The following VPS35L variants were observed in gnomAD, a reference collection of about 807,000 sequenced individuals.
VPS35L encodes VPS35 endosomal protein-sorting factor-like.
In VPS35L, 83 loss-of-function variants were observed where a neutral mutation model predicts 133.0. That is an observed-to-expected ratio of 0.62 (90% CI 0.52 to 0.75). The LOEUF is 0.75. Ranked by LOEUF, VPS35L falls within the 30% of genes least tolerant of loss-of-function variation. The pLI is 0.00. For missense variants in VPS35L, 1,083 were observed against 1,206.8 expected, an observed-to-expected ratio of 0.90 and a Z score of 1.52; for synonymous variants, 423 against 449.9, an observed-to-expected ratio of 0.94 and a Z score of 0.76.
intron 26 of VPS35L, among the ~76,000 whole-genome samples, chr16:19,663,334 G>T (rs1974548950): frequency 6.6e-6 from 1 of 152,094 alleles, no homozygotes; most frequent in Admixed American, 6.6e-5. Context: ...TTCCAAGACA[G>T]TAGCCTATCA....
chr16:19,623,098 G>A (rs777276482), intron 14 of VPS35L, among the ~76,000 whole-genome samples: 2 of 152,184 alleles, frequency 1.3e-5, no homozygotes, highest in Non-Finnish European at 2.9e-5. Context: ...AAATCCCCCC[G>A]AAGACTTCCC....
chr16:19,625,269 G>C (rs1050600934), intron 14 of VPS35L, among the ~76,000 whole-genome samples: 2 of 152,162 alleles, frequency 1.3e-5, no homozygotes, highest in Admixed American at 1.3e-4. Context: ...TGTGAAATGG[G>C]AGAATAGAGC....
chr16:19,661,933 A>T (rs1221312611), intron 26 of VPS35L, among the ~76,000 whole-genome samples: 2 of 152,166 alleles, frequency 1.3e-5, no homozygotes, highest in African/African-American at 4.8e-5. Context: ...AGGACTGAAC[A>T]TTTTACAGCA....
At chr16:19,566,609 C>G (rs1046257777) in intron 2 of VPS35L, among the ~76,000 whole-genome samples, 1 of 152,112 alleles carries the variant, frequency 6.6e-6, no homozygotes, top group African/African-American at 2.4e-5. Flanking sequence ...AGAGAGGCTC[C>G]AGCACAGTCA....
At chr16:19,651,476 A>G (rs1418494860) in intron 25 of VPS35L, among the ~76,000 whole-genome samples, 15 of 152,130 alleles carry the variant, frequency 9.9e-5, no homozygotes, top group South Asian at 2.1e-4. Context: ...AAGTGTTGGG[A>G]TAACAGGTGT....
chr16:19,602,520 T>G (rs746490513), intron 9 of VPS35L, among the ~76,000 whole-genome samples: 19 of 151,968 alleles, frequency 1.3e-4, no homozygotes, highest in Non-Finnish European at 2.4e-4. Flanking sequence ...TCTCCTCCTC[T>G]CTCTTCCTCT....
chr16:19,561,218 A>G (rs1273738826), intron 1 of VPS35L, among the ~76,000 whole-genome samples: 3 of 152,106 alleles, frequency 2.0e-5, no homozygotes, highest in Admixed American at 6.5e-5. Flanking sequence ...AAAATACAAA[A>G]AAATTAGCCG....
Position 19,573,195 on chromosome 16 carries a change from G to T in VPS35L, c.362G>T (p.Arg121Leu). Residue 121 changes from arginine to leucine, a missense_variant, in exon 4 of 31, where the codon CGG becomes CTG. Arg to Leu is a moderately radical substitution (Grantham distance 102). Coordinates refer to ENST00000417362, the MANE Select transcript of VPS35L (RefSeq NM_020314.7). ...GSDFEPWTNK[R>L]GEILARYTTT... ...GATTTTGAGCCTTGGACCAACAAAC[G>T]GGGAGAAATCCTTGCCCGGTACACC... 6.2e-7 allele frequency: 1 copy of T among 1,613,894 alleles called. No individual in the cohort carries two copies. The highest frequency in any genetic ancestry group is 8.5e-7 in the Non-Finnish European group (1 of 1,179,874).
intron 24 of VPS35L, 60 bp downstream of exon 24, chr16:19,647,942 C>T (rs1974004501): frequency 7.2e-7 from 1 of 1,382,838 alleles, no homozygotes; most frequent in South Asian, 1.2e-5. Context: ...CATCTACATC[C>T]CAATCATTTA....
At chr16:19,572,110 A>C (rs566091734) in intron 3 of VPS35L, among the ~76,000 whole-genome samples, 2 of 152,214 alleles carry the variant, frequency 1.3e-5, no homozygotes, top group East Asian at 3.9e-4. Flanking sequence ...TTTCTGCAGG[A>C]TAGCTTCCTA....
At chr16:19,635,724 C>T (rs761052450) in intron 19 of VPS35L, among the ~76,000 whole-genome samples, 2 of 152,130 alleles carry the variant, frequency 1.3e-5, no homozygotes, top group African/African-American at 4.8e-5. Flanking sequence ...ATGATTCATG[C>T]AATCTACTCT....
At chr16:19,560,243 A>C (rs1943685668) in intron 1 of VPS35L, among the ~76,000 whole-genome samples, 1 of 152,174 alleles carries the variant, frequency 6.6e-6, no homozygotes. Context: ...TATTGGGTTG[A>C]TTAAATGAGG....
At chr16:19,567,983 A>AG (rs1971240580) in intron 2 of VPS35L, among the ~76,000 whole-genome samples, 2 of 152,004 alleles carry the variant, frequency 1.3e-5, no homozygotes, top group African/African-American at 4.8e-5. Flanking sequence ...AAAAAAAAAA[A>AG]AAAGACATCT....
intron 30 of VPS35L, 62 bp from the exon 31 acceptor site, chr16:19,700,316 A>G: frequency 4.2e-6 from 6 of 1,417,568 alleles, no homozygotes; most frequent in Non-Finnish European, 6.0e-6. Context: ...CTGATTCATT[A>G]GAGCCTTGGG....
At chr16:19,651,275 A>T (rs555520350) in intron 25 of VPS35L, among the ~76,000 whole-genome samples, 1 of 145,396 alleles carries the variant, frequency 6.9e-6, no homozygotes, top group Non-Finnish European at 1.5e-5. Flanking sequence ...CTATTCATTC[A>T]TTTATTTATT....
chr16:19,630,334 T>G (rs1397714058), intron 18 of VPS35L, among the ~76,000 whole-genome samples: 1 of 117,040 alleles, frequency 8.5e-6, no homozygotes, highest in Non-Finnish European at 1.7e-5. Context: ...AAGTTTTTTT[T>G]TTTTTTTTTT....
intron 12 of VPS35L, among the ~76,000 whole-genome samples, chr16:19,614,499 C>A (rs1222617313): frequency 6.6e-6 from 1 of 152,226 alleles, no homozygotes; most frequent in Non-Finnish European, 1.5e-5. Flanking sequence ...CAACCACCAC[C>A]TCCCGGGTTC....
intron 8 of VPS35L, among the ~76,000 whole-genome samples, chr16:19,597,464 C>A (rs1443656274): frequency 6.6e-6 from 1 of 152,000 alleles, no homozygotes; most frequent in Non-Finnish European, 1.5e-5. Flanking sequence ...AGCCAAGAAA[C>A]CGATAGAAAT....
chr16:19,591,825 G>A lies in VPS35L; in HGVS notation c.675G>A (p.Gln225=), dbSNP rs779280590. Residue 225 remains glutamine, a synonymous_variant, in exon 8 of 31, where the codon CAG becomes CAA. Coordinates refer to ENST00000417362, the MANE Select transcript of VPS35L (RefSeq NM_020314.7). Reference sequence around the variant, plus strand: ...TTCTTTCAGACACCAGTGTTATTCAGTTCTACCCAAGCAAATTTGTCCTTA... The same window carrying A: ...TTCTTTCAGACACCAGTGTTATTCAATTCTACCCAAGCAAATTTGTCCTTA... The part of the protein sequence containing the change: ...SKLLSDTSVI[Q]FYPSKFVLIT... The A allele has an allele frequency of 1.6e-5, 26 of 1,612,864 alleles. No homozygotes were observed. Among genetic ancestry groups the A allele is most frequent in the South Asian group, 6.6e-5 (6 of 91,040 alleles).
Sources: allele counts gnomAD v4.1 joint callset (sites outside exome capture counted in the v4.1 genomes callset), GRCh38; gene constraint gnomAD v4.1.1; transcripts MANE v1.5; gene names NCBI Gene and HGNC (gene_info 2026-07-23, HGNC 2026-07-21).